The following ZDHHC7 variants were observed in gnomAD, a reference collection of about 807,000 sequenced individuals.
The protein encoded by ZDHHC7 is palmitoyltransferase ZDHHC7.
In ZDHHC7, 12 loss-of-function variants were observed where a neutral mutation model predicts 34.1. The ratio of observed to expected loss-of-function variants is 0.35; its 90% CI spans 0.23 to 0.57. The LOEUF is 0.57. Ranked by LOEUF, ZDHHC7 falls within the 20% of genes least tolerant of loss-of-function variation. The pLI is 0.84. For missense variants in ZDHHC7, 388 were observed against 402.7 expected, an observed-to-expected ratio of 0.96 and a Z score of 0.31; for synonymous variants, 185 against 155.4, an observed-to-expected ratio of 1.19 and a Z score of -1.42.
At chr16:84,997,257 C>G (rs1295709046) in intron 1 of ZDHHC7, among the ~76,000 whole-genome samples, 2 of 143,622 alleles carry the variant, frequency 1.4e-5, no homozygotes, top group African/African-American at 2.6e-5. Flanking sequence ...TCTATAGATT[C>G]TAAATTTTCC....
At chr16:85,024,084 A>AT in the ZDHHC7 span, among the ~76,000 whole-genome samples, 186 of 150,522 alleles carry the variant, frequency 1.2e-3, no homozygotes, top group African/African-American at 4.4e-3. Flanking sequence ...CGCTTGACTA[A>AT]TTTTTGTATT....
chr16:85,011,743 G>A (rs954994186), upstream of ZDHHC7, among the ~76,000 whole-genome samples: 4 of 152,210 alleles, frequency 2.6e-5, no homozygotes, highest in Admixed American at 6.5e-5. Flanking sequence ...TAGGGGCTAC[G>A]GGCTGCAGCA....
At chr16:85,008,843 G>A (rs773900241) in intron 1 of ZDHHC7, among the ~76,000 whole-genome samples, 2 of 151,512 alleles carry the variant, frequency 1.3e-5, no homozygotes, top group Non-Finnish European at 2.9e-5. Flanking sequence ...GTCAGGAGTT[G>A]GAGACCAGCC....
chr16:84,998,975 G>C (rs1023648513), intron 1 of ZDHHC7, among the ~76,000 whole-genome samples: 1 of 152,092 alleles, frequency 6.6e-6, no homozygotes, highest in African/African-American at 2.4e-5. Context: ...GGCTGGTCTC[G>C]AACTCCTGAC....
chr16:85,020,251 G>T, the ZDHHC7 span, among the ~76,000 whole-genome samples: 2 of 152,130 alleles, frequency 1.3e-5, no homozygotes, highest in African/African-American at 4.8e-5. Context: ...CAATAACCCA[G>T]TCCTCATCTT....
intron 3 of ZDHHC7, chr16:84,988,925 C>T: frequency 6.5e-7 from 1 of 1,528,138 alleles, no homozygotes; most frequent in Non-Finnish European, 8.9e-7. Flanking sequence ...GGCCCTGTAG[C>T]TGGCCCTCTC....
At chr16:84,984,583 T>G (rs1024034337) in intron 3 of ZDHHC7, among the ~76,000 whole-genome samples, 1 of 152,230 alleles carries the variant, frequency 6.6e-6, no homozygotes, top group Non-Finnish European at 1.5e-5. Context: ...CCCCAGTTTT[T>G]GGTCACTTAT....
At chr16:84,976,801 C>G (rs976797314) in intron 7 of ZDHHC7, among the ~76,000 whole-genome samples, 2 of 152,260 alleles carry the variant, frequency 1.3e-5, no homozygotes, top group Non-Finnish European at 2.9e-5. Flanking sequence ...CTGAGCGCCA[C>G]TCCAGGCCTG....
chr16:85,014,769 C>T (rs1294570076), upstream of ZDHHC7, among the ~76,000 whole-genome samples: 1 of 152,186 alleles, frequency 6.6e-6, no homozygotes, highest in Non-Finnish European at 1.5e-5. Flanking sequence ...GCCTAGGACA[C>T]AGCCCCAGGG....
the ZDHHC7 span, among the ~76,000 whole-genome samples, chr16:85,024,610 G>A: frequency 6.6e-6 from 1 of 152,198 alleles, no homozygotes; most frequent in African/African-American, 2.4e-5. Context: ...TTTGTACAAT[G>A]TCATGAGATA....
upstream of ZDHHC7, among the ~76,000 whole-genome samples, chr16:85,013,347 A>G (rs2072818673): frequency 6.6e-6 from 1 of 151,594 alleles, no homozygotes; most frequent in Non-Finnish European, 1.5e-5. Context: ...GGTTTAAGCA[A>G]TTCTCCTGCC....
At chr16:84,981,632 A>G (rs2072369292) in intron 4 of ZDHHC7, among the ~76,000 whole-genome samples, 1 of 152,218 alleles carries the variant, frequency 6.6e-6, no homozygotes, top group African/African-American at 2.4e-5. Context: ...TCCCTCGGGA[A>G]GGAGGGGATC....
chr16:85,015,753 G>T (rs1284838007), upstream of ZDHHC7, among the ~76,000 whole-genome samples: 2 of 151,888 alleles, frequency 1.3e-5, no homozygotes, highest in Non-Finnish European at 2.9e-5. Context: ...GGTTGAAGTG[G>T]GAGGACTGCT....
At chr16:85,016,102 T>C (rs2072833099), upstream of ZDHHC7, among the ~76,000 whole-genome samples, 1 of 152,172 alleles carries the variant, frequency 6.6e-6, no homozygotes, top group South Asian at 2.1e-4. Context: ...AGGTGAGCTT[T>C]GTAATGCCCT....
At chr16:84,988,170 C>G (rs2072461573) in intron 3 of ZDHHC7, among the ~76,000 whole-genome samples, 2 of 147,106 alleles carry the variant, frequency 1.4e-5, no homozygotes, top group African/African-American at 5.0e-5. Context: ...GACTCCGTCT[C>G]AAAAAAAAAA....
rs948292950 is a variant in ZDHHC7 at position 84,993,927 on chromosome 16, C to T, written c.-18+1995G>A. Reference sequence around the variant, plus strand: ...TTCTCTTCTTCTGAGGAGCACTTTGCGAAGAGGTCTCTAGACATCAGATGT... The same window carrying T: ...TTCTCTTCTTCTGAGGAGCACTTTGTGAAGAGGTCTCTAGACATCAGATGT... On this transcript the variant is annotated intron_variant, in intron 2 of 7. Transcript: ENST00000313732. Among the ~76,000 whole-genome samples the T allele has an allele frequency of 2.6e-5, 4 of 152,264 alleles. 1 individual carries two copies. Among genetic ancestry groups the T allele is most frequent in the Middle Eastern group, 6.8e-3 (2 of 294 alleles).
chr16:84,983,144 T>C (rs981238112), intron 3 of ZDHHC7, among the ~76,000 whole-genome samples: 4 of 152,144 alleles, frequency 2.6e-5, no homozygotes, highest in Non-Finnish European at 4.4e-5. Flanking sequence ...GCACTTCACG[T>C]AGAAATCACA....
In ZDHHC7 at chr16:85,008,940, G is replaced by A. The variant is rs938195238; in HGVS notation, c.-104+2346C>T. Among the ~76,000 whole-genome samples the A allele has an allele frequency of 4.8e-4, 73 of 151,710 alleles. 4 individuals are homozygous for A. Among genetic ancestry groups the A allele is most frequent in the Non-Finnish European group, 1.0e-4 (7 of 67,996 alleles). On this transcript the variant is annotated intron_variant, in intron 1 of 7. Transcript: ENST00000313732. Reference sequence around the variant, plus strand: ...CAGGCCTGTAATCCCAGCTACTCGGGAGGCTGAGGCAGGAGAATCGCTTTA... The same window carrying A: ...CAGGCCTGTAATCCCAGCTACTCGGAAGGCTGAGGCAGGAGAATCGCTTTA...
intron 4 of ZDHHC7, among the ~76,000 whole-genome samples, chr16:84,979,655 G>C (rs930842435): frequency 1.3e-5 from 2 of 152,102 alleles, no homozygotes; most frequent in African/African-American, 2.4e-5. Flanking sequence ...CCCTCAAGGA[G>C]AAACATTCTT....
Sources: gnomAD v4.1 joint callset for allele counts (sites outside exome capture counted in the v4.1 genomes callset) on GRCh38, gnomAD v4.1.1 for gene constraint, MANE v1.5 for transcripts, NCBI Gene and HGNC (gene_info 2026-07-23, HGNC 2026-07-21) for gene names.